Variants in GPC5 observed in about 807,000 individuals in gnomAD.
The protein encoded by GPC5 is glypican-5.
A neutral mutation model predicts 53.9 loss-of-function variants in GPC5; 47 were observed. The ratio of observed to expected loss-of-function variants is 0.87; its 90% confidence interval spans 0.69 to 1.11. GPC5 has a LOEUF of 1.11. Ranked by LOEUF, GPC5 falls within the 50% of genes most tolerant of loss-of-function variation. GPC5 has a pLI of 0.00. For missense variants in GPC5, 748 were observed against 713.1 expected, an observed-to-expected ratio of 1.05 and a Z score of -0.56; for synonymous variants, 286 against 263.3, an observed-to-expected ratio of 1.09 and a Z score of -0.84.
chr13:92,441,140 C>T (rs957803479), intron 7 of GPC5, among the ~76,000 whole-genome samples: 9 of 152,082 alleles, frequency 5.9e-5, no homozygotes, highest in African/African-American at 1.7e-4. Context: ...GGCACGATCT[C>T]GGCTCACTGC....
At chr13:91,540,392 T>C (rs1032567872) in intron 2 of GPC5, among the ~76,000 whole-genome samples, 2 of 152,240 alleles carry the variant, frequency 1.3e-5, no homozygotes, top group African/African-American at 4.8e-5. Flanking sequence ...ATTCTATTTA[T>C]GTAAATTTTA....
chr13:92,175,856 G>A (rs1313647745), intron 7 of GPC5, among the ~76,000 whole-genome samples: 4 of 151,712 alleles, frequency 2.6e-5, no homozygotes, highest in Non-Finnish European at 1.5e-5. Flanking sequence ...ACAAGACCCC[G>A]TTACCAATTT....
chr13:91,556,020 A>T (rs1168288678), intron 2 of GPC5, among the ~76,000 whole-genome samples: 2 of 151,934 alleles, frequency 1.3e-5, no homozygotes, highest in African/African-American at 4.8e-5. Flanking sequence ...AAGGTGTAGA[A>T]TGTTTCCATC....
At chr13:92,125,534 T>C (rs1047860318) in intron 6 of GPC5, among the ~76,000 whole-genome samples, 3 of 151,832 alleles carry the variant, frequency 2.0e-5, no homozygotes, top group Admixed American at 6.6e-5. Context: ...GATCTACCAA[T>C]ATCGGGAGTA....
intron 7 of GPC5, among the ~76,000 whole-genome samples, chr13:92,595,877 A>G (rs1052467614): frequency 1.3e-5 from 2 of 152,104 alleles, no homozygotes; most frequent in Admixed American, 6.6e-5. Context: ...TGCTTACTGT[A>G]AAATAGAATC....
intron 7 of GPC5, among the ~76,000 whole-genome samples, chr13:92,476,334 C>G (rs1405368206): frequency 6.6e-6 from 1 of 151,936 alleles, no homozygotes; most frequent in Admixed American, 6.6e-5. Flanking sequence ...CAAATCAAAA[C>G]CACAATGAGA....
intron 6 of GPC5, among the ~76,000 whole-genome samples, chr13:91,935,154 A>G (rs2039858164): frequency 6.6e-6 from 1 of 151,934 alleles, no homozygotes. Context: ...AAGAAAGGCA[A>G]GATAGGTGAA....
chr13:92,004,740 G>C (rs1048666583), intron 6 of GPC5, among the ~76,000 whole-genome samples: 1 of 151,788 alleles, frequency 6.6e-6, no homozygotes, highest in Non-Finnish European at 1.5e-5. Flanking sequence ...AAGGTGAAAA[G>C]CACATCTTAC....
chr13:91,890,881 T>A (rs551049065), intron 5 of GPC5, among the ~76,000 whole-genome samples: 1 of 152,336 alleles, frequency 6.6e-6, no homozygotes, highest in South Asian at 2.1e-4. Context: ...TGTATCAGCA[T>A]CTTGGGAAAA....
At chr13:92,833,762 G>C (rs151011335) in intron 7 of GPC5, among the ~76,000 whole-genome samples, 12 of 152,126 alleles carry the variant, frequency 7.9e-5, no homozygotes, top group African/African-American at 2.9e-4. Flanking sequence ...GGTTGGCAAG[G>C]GTAAAAGATG....
At chr13:92,236,414 C>T (rs1357764684) in intron 7 of GPC5, among the ~76,000 whole-genome samples, 1 of 151,790 alleles carries the variant, frequency 6.6e-6, no homozygotes, top group Non-Finnish European at 1.5e-5. Flanking sequence ...ATTTTTATAC[C>T]TTCTGTTTAT....
chr13:91,884,081 A>G (rs1371481212), intron 5 of GPC5, among the ~76,000 whole-genome samples: 2 of 152,214 alleles, frequency 1.3e-5, no homozygotes, highest in African/African-American at 4.8e-5. Context: ...AATGGTTATT[A>G]CTAAAAAGTC....
intron 7 of GPC5, among the ~76,000 whole-genome samples, chr13:92,727,182 C>T (rs900272859): frequency 4.0e-5 from 6 of 151,434 alleles, no homozygotes; most frequent in Admixed American, 1.3e-4. Flanking sequence ...TAATGTAGCT[C>T]GGGGTGCTAT....
At chr13:91,918,479 T>C (rs1265437456) in intron 6 of GPC5, among the ~76,000 whole-genome samples, 1 of 152,188 alleles carries the variant, frequency 6.6e-6, no homozygotes, top group Non-Finnish European at 1.5e-5. Context: ...ATTCTGAGGG[T>C]TTTGCAAATA....
chr13:92,191,916 C>T (rs543653903), intron 7 of GPC5, among the ~76,000 whole-genome samples: 3 of 152,278 alleles, frequency 2.0e-5, no homozygotes, highest in East Asian at 1.9e-4. Flanking sequence ...GACACAACCC[C>T]GTTGTAAGTC....
chr13:91,990,723 A>G (rs2040449126), intron 6 of GPC5, among the ~76,000 whole-genome samples: 1 of 152,190 alleles, frequency 6.6e-6, no homozygotes, highest in African/African-American at 2.4e-5. Context: ...GGGCTTGTAT[A>G]TTGCTCACGC....
At chr13:92,670,008 C>A (rs1886694116) in intron 7 of GPC5, among the ~76,000 whole-genome samples, 1 of 152,136 alleles carries the variant, frequency 6.6e-6, no homozygotes, top group African/African-American at 2.4e-5. Context: ...ATATTTTAGT[C>A]CCTCTCCTCT....
chr13:91,466,260 A>T (rs933025485), intron 2 of GPC5, among the ~76,000 whole-genome samples: 2 of 152,296 alleles, frequency 1.3e-5, no homozygotes, highest in South Asian at 2.1e-4. Flanking sequence ...GTGGGTCTCT[A>T]CAGCTTCCCT....
chr13:92,576,342 C>T (rs571470988), intron 7 of GPC5, among the ~76,000 whole-genome samples: 5 of 152,176 alleles, frequency 3.3e-5, no homozygotes, highest in East Asian at 1.9e-4. Context: ...AATGGATGGG[C>T]GGTCGCTTGG....
Sources: gnomAD v4.1 joint callset for allele counts (sites outside exome capture counted in the v4.1 genomes callset) on GRCh38, gnomAD v4.1.1 for gene constraint, MANE v1.5 for transcripts, NCBI Gene and HGNC (gene_info 2026-07-23, HGNC 2026-07-21) for gene names.